The following MAPK9 variants were observed in gnomAD, a reference collection of about 807,000 sequenced individuals.
MAPK9 encodes the protein Jun kinase.
MAPK9 carries 30 observed loss-of-function variants against 57.1 expected under a neutral mutation model. That is an observed-to-expected ratio of 0.53 (90% CI 0.39 to 0.71). The LOEUF is 0.71. MAPK9 is among the 30% of genes least tolerant of loss of function. The pLI is 0.00. For missense variants in MAPK9, 362 were observed against 521.0 expected, an observed-to-expected ratio of 0.69 and a Z score of 2.97; for synonymous variants, 155 against 177.0, an observed-to-expected ratio of 0.88 and a Z score of 0.99.
intron 5 of MAPK9, among the ~76,000 whole-genome samples, chr5:180,249,745 A>G (rs1227737066): frequency 1.3e-5 from 2 of 152,266 alleles, no homozygotes; most frequent in African/African-American, 2.4e-5. Flanking sequence ...ATCATACAGT[A>G]TATTTTTTTA....
At position 180,247,737 on chromosome 5, in the gene MAPK9, A is replaced by G. The variant is rs931099779; in HGVS notation, c.617-227T>C. ...AGTCCAATACTTTATAGCTTAAAAC[A>G]AACAAACAAACAAACAAAAAACCAG... On this transcript the variant is annotated intron_variant, in intron 6 of 11. Transcript: ENST00000452135. This position sits in a 1 kb window ranked among gnomAD's most constrained non-coding sequence, Gnocchi z 4.5. 8.6e-7 allele frequency: 1 copy of G among 1,168,358 alleles called. No individual in the cohort carries two copies. Among genetic ancestry groups the G allele is most frequent in the African/African-American group, 1.5e-5 (1 of 65,790 alleles). The allele number at this position is 1,168,358 out of a possible 1,614,324, so 72.4% of individuals were successfully genotyped here. A position where few individuals can be genotyped will look rare whatever the true frequency, so the allele number is the denominator to read the frequency against.
At chr5:180,243,049 C>G (rs368069680) in intron 7 of MAPK9, 1 of 303,898 alleles carries the variant, frequency 3.3e-6, no homozygotes, top group African/African-American at 2.1e-5. Flanking sequence ...CTAAGAATAC[C>G]TATAGCAAAA....
intron 7 of MAPK9, among the ~76,000 whole-genome samples, chr5:180,244,069 G>A (rs549721798): frequency 5.5e-4 from 84 of 152,242 alleles, no homozygotes; most frequent in African/African-American, 2.0e-3. Context: ...GGCTGGTCTG[G>A]AATTCCTGGC....
In MAPK9 at chr5:180,256,162, G is replaced by A. The variant is rs116719323; in HGVS notation, c.450+5522C>T. ...ATCTCCAGGTGCTAACAGAGGGCTG[G>A]GTTACTTGCATTTCATTTTTTGAAT... On this transcript the variant is annotated intron_variant, in intron 5 of 11. Transcript: ENST00000452135. Among the ~76,000 whole-genome samples the A allele has an allele frequency of 5.5e-3, 845 of 152,264 alleles. 9 individuals are homozygous for A. Among genetic ancestry groups the A allele is most frequent in the African/African-American group, 0.019 (801 of 41,542 alleles).
At chr5:180,275,661 G>GC (rs1239596366) in intron 2 of MAPK9, among the ~76,000 whole-genome samples, 2 of 152,242 alleles carry the variant, frequency 1.3e-5, no homozygotes, top group African/African-American at 4.8e-5. Flanking sequence ...AGGGGAAAAT[G>GC]CTGAGCATGG....
At chr5:180,258,841 A>G (rs1759587194) in intron 5 of MAPK9, among the ~76,000 whole-genome samples, 1 of 144,706 alleles carries the variant, frequency 6.9e-6, no homozygotes, top group Non-Finnish European at 1.5e-5. Flanking sequence ...CCTGGCCAAC[A>G]TGGTGAAATC....
chr5:180,248,487 C>T (rs1335587575), intron 6 of MAPK9, among the ~76,000 whole-genome samples: 1 of 152,188 alleles, frequency 6.6e-6, no homozygotes, highest in Non-Finnish European at 1.5e-5. Flanking sequence ...CTAGAATAAG[C>T]TAAGTTTTGA....
At chr5:180,283,191 G>T (rs1269487914) in intron 1 of MAPK9, among the ~76,000 whole-genome samples, 3 of 152,170 alleles carry the variant, frequency 2.0e-5, no homozygotes, top group South Asian at 2.1e-4. Context: ...CCCAACTAGA[G>T]ACGACGCCTG....
In MAPK9 at chr5:180,291,953, GC is replaced by G. The variant is rs1469969340; in HGVS notation, c.-154del. 6.9e-6 allele frequency: 1 copy of G among 144,174 alleles called. No individual in the cohort carries two copies. The highest frequency in any genetic ancestry group is 2.1e-4 in the East Asian group (1 of 4,732). 8.9% of individuals were successfully genotyped at this position (144,174 alleles called of 1,614,324 possible). A position where few individuals can be genotyped will look rare whatever the true frequency, so the allele number is the denominator to read the frequency against. ...GCGGCCCCGGCTCCGCCGCCGGCCCGCCCCGCTCCGCTCCGCCCCGCCGCCG... is the reference window on the plus strand; with the variant it reads ...GCGGCCCCGGCTCCGCCGCCGGCCCGCCCGCTCCGCTCCGCCCCGCCGCCG... On this transcript the variant is annotated 5_prime_UTR_variant, in exon 1 of 12. Coordinates refer to ENST00000452135, the MANE Select transcript of MAPK9 (RefSeq NM_002752.5).
At chr5:180,274,107 C>T (rs1351159638) in intron 2 of MAPK9, among the ~76,000 whole-genome samples, 1 of 152,134 alleles carries the variant, frequency 6.6e-6, no homozygotes, top group Non-Finnish European at 1.5e-5. Flanking sequence ...TCAGTTTTCT[C>T]TATTTTTTCT....
At chr5:180,282,805 A>G (rs915007545) in intron 1 of MAPK9, among the ~76,000 whole-genome samples, 3 of 152,252 alleles carry the variant, frequency 2.0e-5, no homozygotes, top group African/African-American at 7.2e-5. Flanking sequence ...GTACCATGCC[A>G]GGACACTCGC....
intron 3 of MAPK9, among the ~76,000 whole-genome samples, chr5:180,266,203 C>T (rs909830573): frequency 6.6e-6 from 1 of 151,936 alleles, no homozygotes; most frequent in Non-Finnish European, 1.5e-5. Context: ...TAAGTAACAA[C>T]CTCACCAATA....
intron 8 of MAPK9, among the ~76,000 whole-genome samples, chr5:180,242,147 C>T (rs1233141620): frequency 1.3e-5 from 2 of 152,158 alleles, no homozygotes; most frequent in Non-Finnish European, 1.5e-5. Context: ...TACCTTCATG[C>T]GGACAGAATC....
chr5:180,280,986 G>A (rs1178025361), intron 1 of MAPK9, among the ~76,000 whole-genome samples: 1 of 152,196 alleles, frequency 6.6e-6, no homozygotes, highest in Non-Finnish European at 1.5e-5. Context: ...TAGCTGTCTA[G>A]AGACGGAGGC....
At chr5:180,270,675 A>T (rs1761174587) in intron 2 of MAPK9, among the ~76,000 whole-genome samples, 1 of 152,058 alleles carries the variant, frequency 6.6e-6, no homozygotes, top group Admixed American at 6.5e-5. Flanking sequence ...ATACAGTGAA[A>T]CCTTGTCTGT....
intron 5 of MAPK9, among the ~76,000 whole-genome samples, chr5:180,252,649 A>G (rs1335497066): frequency 6.6e-6 from 1 of 152,146 alleles, no homozygotes; most frequent in Non-Finnish European, 1.5e-5. Flanking sequence ...TCCACCTGCC[A>G]AGCGCCTCCG....
At chr5:180,248,056 ACCT>A in intron 6 of MAPK9, 2 of 699,780 alleles carry the variant, frequency 2.9e-6, no homozygotes, top group Non-Finnish European at 2.4e-6. Flanking sequence ...TTGATACCAC[ACCT>A]CCTGAGCGAT....
At chr5:180,268,943 T>G in intron 3 of MAPK9, among the ~76,000 whole-genome samples, 1 of 150,560 alleles carries the variant, frequency 6.6e-6, no homozygotes, top group South Asian at 2.1e-4. Flanking sequence ...ATCAAGACCA[T>G]CCTGACTAAC....
chr5:180,265,628 G>A (rs183263045), intron 3 of MAPK9, among the ~76,000 whole-genome samples: 3 of 152,280 alleles, frequency 2.0e-5, no homozygotes, highest in East Asian at 1.9e-4. Flanking sequence ...TATTTAAACC[G>A]CTTTCCTTTA....
Sources: allele counts gnomAD v4.1 joint callset (sites outside exome capture counted in the v4.1 genomes callset), GRCh38; gene constraint gnomAD v4.1.1; non-coding constraint Gnocchi (gnomAD v3.1); transcripts MANE v1.5; gene names NCBI Gene and HGNC (gene_info 2026-07-23, HGNC 2026-07-21).